Variants in GLUD1 observed in about 807,000 individuals in gnomAD.
GLUD1 encodes the protein glutamate dehydrogenase 1, also known as glutamate dehydrogenase 1, mitochondrial.
Under a neutral mutation model 56.0 loss-of-function variants are expected in GLUD1, and 22 were observed. That is an observed-to-expected ratio of 0.39 (90% confidence interval 0.28 to 0.56). The LOEUF is 0.56. Ranked by LOEUF, GLUD1 falls within the 20% of genes least tolerant of loss-of-function variation. The probability of loss-of-function intolerance (pLI) is 0.58; values close to 1 mark genes in which losing one functional copy is unlikely to be tolerated. For missense variants in GLUD1, 451 were observed against 732.0 expected (o/e 0.62, Z 4.43); for synonymous variants, 223 against 269.9 (o/e 0.83, Z 1.70).
chr10:87,081,960 A>AG (rs994899903), intron 1 of GLUD1, among the ~76,000 whole-genome samples: 8 of 151,644 alleles, frequency 5.3e-5, no homozygotes, highest in African/African-American at 1.9e-4. Flanking sequence ...AAAAAAAAAA[A>AG]AAAGAAAAAA....
chr10:87,089,338 C>G (rs538989266), intron 1 of GLUD1, among the ~76,000 whole-genome samples: 1 of 152,220 alleles, frequency 6.6e-6, no homozygotes, highest in African/African-American at 2.4e-5. Flanking sequence ...TACGTACTAG[C>G]TGTGTCACCC....
chr10:87,067,273 C>G (rs1281252275), intron 5 of GLUD1, among the ~76,000 whole-genome samples: 9 of 152,240 alleles, frequency 5.9e-5, no homozygotes, highest in African/African-American at 2.2e-4. Context: ...GGGTCTCACT[C>G]TATTGCCCAG....
intron 11 of GLUD1, among the ~76,000 whole-genome samples, chr10:87,054,817 G>A (rs1192155590): frequency 6.6e-6 from 1 of 152,328 alleles, no homozygotes; most frequent in South Asian, 2.1e-4. Context: ...CTAGAGCAGT[G>A]TATCTGAGGA....
intron 10 of GLUD1, 36 bp from the exon 11 acceptor site, chr10:87,057,818 A>G: frequency 1.0e-6 from 1 of 975,324 alleles, no homozygotes; most frequent in Non-Finnish European, 1.6e-6. Context: ...GATATTGCTA[A>G]CAGAAAAAAA....
intron 1 of GLUD1, among the ~76,000 whole-genome samples, chr10:87,083,448 T>C (rs1421327360): frequency 2.0e-5 from 3 of 152,134 alleles, no homozygotes; most frequent in Admixed American, 1.3e-4. Flanking sequence ...GGAAAATACA[T>C]ACACATACAA....
Position 87,094,719 on chromosome 10 carries a change from A to C in GLUD1, c.51T>G (p.Ala17=). ...EALLLSRAGP[A]ALGSASADSA... ...AGTCGGCGGACGCCGAGCCCAGGGC[A>C]GCGGGCCCGGCCCGGGACAGCAACA... The change falls in exon 1 of 13, where the codon GCT becomes GCG. Residue 17 remains alanine, a synonymous_variant. Coordinates refer to ENST00000277865, the MANE Select transcript of GLUD1 (RefSeq NM_005271.5). This position sits in a 1 kb window ranked among gnomAD's most constrained non-coding sequence, Gnocchi z 6.6. The C allele has an allele frequency of 6.6e-7, 1 of 1,509,304 alleles. No homozygotes were observed. The highest frequency in any genetic ancestry group is 8.9e-7 in the Non-Finnish European group (1 of 1,128,202). 93.5% of individuals were successfully genotyped at this position (1,509,304 alleles called of 1,614,324 possible).
intron 11 of GLUD1, 81 bp downstream of exon 11, chr10:87,057,610 T>C (rs1845818669): frequency 2.5e-6 from 2 of 811,556 alleles, no homozygotes; most frequent in Non-Finnish European, 4.5e-6. Context: ...ATGCCGCAGA[T>C]GAAATCCATC....
In GLUD1 at chr10:87,055,694, CTGAGGGGAA is replaced by C. The variant is rs140470395; in HGVS notation, c.1494+1988_1494+1996del. ...ATCACTCTAGGAAATAGGAAGTTTA[CTGAGGGGAA>C]CGGTTAGTACCTAGAATGGGTAAAG... On this transcript the variant is annotated intron_variant, in intron 11 of 12. Coordinates refer to ENST00000277865, the MANE Select transcript of GLUD1 (RefSeq NM_005271.5). 1.6e-3 allele frequency among the ~76,000 whole-genome samples: 247 copies of C among 152,278 alleles called. 2 individuals carry two copies. Among genetic ancestry groups the C allele is most frequent in the African/African-American group, 5.8e-3 (239 of 41,544 alleles).
chr10:87,054,429 G>T (rs1396318934), intron 11 of GLUD1, among the ~76,000 whole-genome samples: 1 of 152,128 alleles, frequency 6.6e-6, no homozygotes, highest in Non-Finnish European at 1.5e-5. Context: ...TGTTTAGTGA[G>T]GTAGGGAGAA....
intron 1 of GLUD1, among the ~76,000 whole-genome samples, chr10:87,089,220 T>G (rs1841457820): frequency 1.3e-5 from 2 of 152,226 alleles, no homozygotes; most frequent in African/African-American, 4.8e-5. Flanking sequence ...CGCTTACAAT[T>G]AAAAGCCTAA....
At chr10:87,074,185 T>G (rs1244934242) in intron 4 of GLUD1, among the ~76,000 whole-genome samples, 1 of 152,150 alleles carries the variant, frequency 6.6e-6, no homozygotes, top group African/African-American at 2.4e-5. Flanking sequence ...AAATGTTGTA[T>G]GTTTGGCAAA....
chr10:87,057,723 C>T lies in GLUD1; in HGVS notation c.1462G>A (p.Val488Ile). 1.3e-6 allele frequency: 2 copies of T among 1,595,270 alleles called. No individual in the cohort carries two copies. The highest frequency in any genetic ancestry group is 1.7e-6 in the Non-Finnish European group (2 of 1,164,186). ...CTGTCTTGGAACTCTGCCGTGGGTA[C>T]AATGGGAATAGTTCCACCATGCTTT... ...FGKHGGTIPI[V>I]PTAEFQDRIS... The change falls in exon 11 of 13, where the codon GTA becomes ATA. Residue 488 changes from valine (V) to isoleucine (I), a missense_variant. Val to Ile is a conservative substitution (Grantham distance 29, BLOSUM62 3). This residue lies in a region of GLUD1 where 248 missense variants were observed against 460.0 expected (regional missense o/e 0.54). Coordinates refer to ENST00000277865, the MANE Select transcript of GLUD1 (RefSeq NM_005271.5).
chr10:87,088,389 GCCT>G (rs1841436393), intron 1 of GLUD1, among the ~76,000 whole-genome samples: 1 of 152,004 alleles, frequency 6.6e-6, no homozygotes, highest in Admixed American at 6.6e-5. Flanking sequence ...CAGAGATCTT[GCCT>G]GCAGGAACAA....
chr10:87,068,364 C>A (rs1251542429), intron 4 of GLUD1, among the ~76,000 whole-genome samples: 1 of 152,328 alleles, frequency 6.6e-6, no homozygotes, highest in East Asian at 1.9e-4. Context: ...ATAATAATTT[C>A]TCCCTCTGGC....
At chr10:87,068,629 A>G (rs1198698718) in intron 4 of GLUD1, among the ~76,000 whole-genome samples, 1 of 152,210 alleles carries the variant, frequency 6.6e-6, no homozygotes, top group East Asian at 1.9e-4. Flanking sequence ...AAGTAGAGAA[A>G]AAGGGGAGAA....
Position 87,089,338 on chromosome 10 carries a change from C to T in GLUD1, c.445+4987G>A, listed in dbSNP as rs538989266. Among the ~76,000 whole-genome samples, 11 of 152,338 alleles carry T rather than the reference C, an allele frequency of 7.2e-5. No individual in the cohort carries two copies. The South Asian group carries it at 2.3e-3, about 32-fold the overall frequency. ...GAACCTCAACTCCACTACGTACTAG[C>T]TGTGTCACCCTGCCAAAGGACACTT... On this transcript the variant is annotated intron_variant, in intron 1 of 12. Transcript: ENST00000277865.
At chr10:87,055,741 C>A (rs1845754675) in intron 11 of GLUD1, among the ~76,000 whole-genome samples, 1 of 152,116 alleles carries the variant, frequency 6.6e-6, no homozygotes. Context: ...TTTTTTCTTT[C>A]TTTACAACAA....
chr10:87,054,913 A>C (rs1169984982), intron 11 of GLUD1, among the ~76,000 whole-genome samples: 2 of 152,240 alleles, frequency 1.3e-5, no homozygotes, highest in Admixed American at 1.3e-4. Context: ...ATGACACAGG[A>C]CTGGGTACAG....
chr10:87,076,763 T>C, intron 1 of GLUD1, 107 bp from the exon 2 acceptor site: 2 of 773,372 alleles, frequency 2.6e-6, no homozygotes, highest in Non-Finnish European at 2.4e-6. Flanking sequence ...ATTGAAAATA[T>C]CCACTTTTTA....
Sources: gnomAD v4.1 joint callset for allele counts (sites outside exome capture counted in the v4.1 genomes callset) on GRCh38, gnomAD v4.1.1 for gene constraint, gnomAD v4.1.1 regional missense constraint, Gnocchi (gnomAD v3.1) non-coding constraint, MANE v1.5 for transcripts, NCBI Gene and HGNC (gene_info 2026-07-23, HGNC 2026-07-21) for gene names.